RNF13: variants seen among roughly 807,000 people sequenced by gnomAD.
RNF13 encodes ring finger protein 13.
In RNF13, 19 loss-of-function variants were observed where a neutral mutation model predicts 37.7. The observed-to-expected ratio is 0.50, with a 90% CI of 0.35 to 0.74. The LOEUF is 0.74. RNF13 is among the 30% of genes least tolerant of loss of function. RNF13 has a pLI of 0.01. For synonymous variants in RNF13, 144 were observed against 157.8 expected (o/e 0.91, Z 0.65); for missense variants, 375 against 453.0 (o/e 0.83, Z 1.56).
At chr3:149,921,105 G>T in intron 7 of RNF13, 29 bp from the exon 8 acceptor site, 2 of 918,584 alleles carry the variant, frequency 2.2e-6, no homozygotes, top group South Asian at 5.7e-5. Flanking sequence ...TTTAATATCT[G>T]ACTCCTTTTT....
chr3:149,864,778 A>T (rs1464087387), intron 3 of RNF13, among the ~76,000 whole-genome samples: 3 of 152,194 alleles, frequency 2.0e-5, no homozygotes, highest in Admixed American at 1.3e-4. Flanking sequence ...AGACAAAAAG[A>T]ATGTCAACTG....
chr3:149,853,463 AG>A (rs1723325756), intron 3 of RNF13, among the ~76,000 whole-genome samples: 1 of 97,110 alleles, frequency 1.0e-5, no homozygotes, highest in Admixed American at 9.3e-5. Flanking sequence ...AGGGAGAGAG[AG>A]AGAGAGAGAG....
chr3:149,885,739 G>C (rs79659394), intron 4 of RNF13, among the ~76,000 whole-genome samples: 1 of 152,036 alleles, frequency 6.6e-6, no homozygotes, highest in South Asian at 2.1e-4. Flanking sequence ...TATCTTGATA[G>C]GAGTCCATTT....
chr3:149,921,369 G>T (rs1718108338), intron 8 of RNF13, 142 bp downstream of exon 8: 1 of 228,284 alleles, frequency 4.4e-6, no homozygotes, highest in Non-Finnish European at 9.1e-6. Context: ...TGTTACATAG[G>T]TATACATGTG....
intron 7 of RNF13, chr3:149,917,519 A>C (rs1717663811): frequency 6.6e-6 from 1 of 152,102 alleles, no homozygotes; most frequent in Non-Finnish European, 1.5e-5. Flanking sequence ...CTTATTTCTC[A>C]AGTTATTTAG....
rs540198307 is a variant in RNF13, at chr3:149,914,482, G to T, written c.606+2399G>T. 2.8e-3 allele frequency among the ~76,000 whole-genome samples: 432 copies of T among 152,208 alleles called. 2 individuals carry two copies. The highest frequency in any genetic ancestry group is 9.9e-3 in the African/African-American group (413 of 41,540). On this transcript the variant is annotated intron_variant, in intron 7 of 9. Transcript: ENST00000392894. Reference sequence around the variant, plus strand: ...GGGGTTTCAGCATAGAAGCAAGAAAGTAGAGAGTAAGTTAGAAAACCAAAA... The same window carrying T: ...GGGGTTTCAGCATAGAAGCAAGAAATTAGAGAGTAAGTTAGAAAACCAAAA...
chr3:149,848,679 A>G (rs1261925921), intron 2 of RNF13, among the ~76,000 whole-genome samples: 1 of 152,060 alleles, frequency 6.6e-6, no homozygotes, highest in Admixed American at 6.6e-5. Flanking sequence ...GCTATTTGTA[A>G]TGCCAGATGC....
chr3:149,887,141 A>T (rs959896017), intron 4 of RNF13, among the ~76,000 whole-genome samples: 3 of 152,150 alleles, frequency 2.0e-5, no homozygotes, highest in African/African-American at 7.2e-5. Flanking sequence ...GGCAGCAACC[A>T]CGCAATGCAG....
chr3:149,840,530 G>T (rs571377072), intron 1 of RNF13, among the ~76,000 whole-genome samples: 6 of 152,268 alleles, frequency 3.9e-5, no homozygotes, highest in Non-Finnish European at 5.9e-5. Context: ...TCCCAGAATG[G>T]TTCTAAAATA....
At chr3:149,928,937 A>G (rs989791078) in intron 8 of RNF13, among the ~76,000 whole-genome samples, 2 of 152,184 alleles carry the variant, frequency 1.3e-5, no homozygotes, top group African/African-American at 4.8e-5. Context: ...AGATACTATT[A>G]TAAATAGAAT....
chr3:149,895,444 AATTTT>A, intron 4 of RNF13, 24 bp from the exon 5 acceptor site: 2 of 1,037,626 alleles, frequency 1.9e-6, no homozygotes, highest in Non-Finnish European at 2.7e-6. Flanking sequence ...CTTATAACAT[AATTTT>A]TTTTTTTTTT....
chr3:149,932,234 A>T (rs546103352), intron 8 of RNF13, among the ~76,000 whole-genome samples: 17 of 152,142 alleles, frequency 1.1e-4, no homozygotes, highest in African/African-American at 4.1e-4. Context: ...TGGTGGTTTC[A>T]TTTTTACTTT....
chr3:149,871,208 A>C (rs973825114), intron 3 of RNF13, among the ~76,000 whole-genome samples: 2 of 151,304 alleles, frequency 1.3e-5, no homozygotes, highest in Admixed American at 1.3e-4. Flanking sequence ...TGCTCGGCTA[A>C]TTTTTGTATT....
At chr3:149,860,951 C>G (rs966442238) in intron 3 of RNF13, among the ~76,000 whole-genome samples, 7 of 152,056 alleles carry the variant, frequency 4.6e-5, no homozygotes, top group African/African-American at 1.7e-4. Context: ...GGCAAATGAT[C>G]TAAACAGATA....
chr3:149,932,456 C>T (rs2108560196), intron 8 of RNF13, among the ~76,000 whole-genome samples: 1 of 152,290 alleles, frequency 6.6e-6, no homozygotes, highest in Non-Finnish European at 1.5e-5. Flanking sequence ...AGACTCAAGA[C>T]ACATTTCTTT....
chr3:149,832,036 C>T (rs534041998), intron 1 of RNF13, among the ~76,000 whole-genome samples: 42 of 151,908 alleles, frequency 2.8e-4, no homozygotes, highest in South Asian at 1.0e-3. Context: ...ATTAATTGTT[C>T]GCTGATTTTT....
At chr3:149,901,580 T>TC (rs1715845532) in intron 5 of RNF13, among the ~76,000 whole-genome samples, 1 of 152,194 alleles carries the variant, frequency 6.6e-6, no homozygotes, top group Non-Finnish European at 1.5e-5. Flanking sequence ...TGTCAGCCTT[T>TC]CAGTCTGGAA....
intron 8 of RNF13, among the ~76,000 whole-genome samples, chr3:149,959,730 T>C (rs1003856192): frequency 2.6e-5 from 4 of 152,242 alleles, no homozygotes; most frequent in African/African-American, 9.6e-5. Flanking sequence ...AGTTTGAACA[T>C]TTTAGTAGTG....
chr3:149,839,449 G>C (rs1289010361), intron 1 of RNF13, among the ~76,000 whole-genome samples: 2 of 138,232 alleles, frequency 1.4e-5, no homozygotes, highest in African/African-American at 5.5e-5. Context: ...AAGAAAAAGA[G>C]GTTTAATGGA....
Sources: gnomAD v4.1 joint callset for allele counts (sites outside exome capture counted in the v4.1 genomes callset) on GRCh38, gnomAD v4.1.1 for gene constraint, MANE v1.5 for transcripts, NCBI Gene and HGNC (gene_info 2026-07-23, HGNC 2026-07-21) for gene names.